Variants in ZNF407 observed in about 807,000 individuals in gnomAD.
ZNF407 encodes the protein zinc finger protein 407.
In ZNF407, 17 loss-of-function variants were observed where a neutral mutation model predicts 131.2. The ratio of observed to expected loss-of-function variants is 0.13; its 90% CI spans 0.09 to 0.19. The LOEUF is 0.19. Ranked by LOEUF, ZNF407 falls within the 10% of genes least tolerant of loss-of-function variation. The pLI is 1.00. For synonymous variants in ZNF407, 1,156 were observed against 1,062.0 expected (o/e 1.09, Z -1.72); for missense variants, 2,681 against 2,830.6 (o/e 0.95, Z 1.20).
intron 6 of ZNF407, among the ~76,000 whole-genome samples, chr18:74,881,915 C>T (rs1210019139): frequency 1.3e-5 from 2 of 152,230 alleles, no homozygotes; most frequent in East Asian, 3.9e-4. Flanking sequence ...ACAATCATGG[C>T]GGAAGGTGAA....
At chr18:74,623,114 G>A (rs181176460) in intron 1 of ZNF407, among the ~76,000 whole-genome samples, 1,803 of 145,276 alleles carry the variant, frequency 0.012, 29 homozygotes, top group African/African-American at 0.044. Flanking sequence ...ATCTGAGTGC[G>A]TGTCAGTGTG....
intron 1 of ZNF407, among the ~76,000 whole-genome samples, chr18:74,628,052 G>A (rs1014266739): frequency 6.6e-6 from 1 of 151,904 alleles, no homozygotes; most frequent in Admixed American, 6.6e-5. Flanking sequence ...CAAACTAGAG[G>A]TTTCTAAACT....
At chr18:74,866,908 C>A (rs966080052) in intron 4 of ZNF407, among the ~76,000 whole-genome samples, 2 of 146,572 alleles carry the variant, frequency 1.4e-5, no homozygotes, top group African/African-American at 5.0e-5. Context: ...CCCAGCTACT[C>A]CGGCTGAGGC....
At chr18:74,897,593 G>A (rs1400046980) in intron 7 of ZNF407, among the ~76,000 whole-genome samples, 1 of 152,120 alleles carries the variant, frequency 6.6e-6, no homozygotes, top group Non-Finnish European at 1.5e-5. Flanking sequence ...TGTATATATT[G>A]TGGAAGAAAG....
At chr18:74,691,866 G>C (rs2144800536) in intron 3 of ZNF407, among the ~76,000 whole-genome samples, 1 of 152,284 alleles carries the variant, frequency 6.6e-6, no homozygotes, top group East Asian at 1.9e-4. Context: ...GGCCGAGGCA[G>C]ATGAATCCCT....
At chr18:74,604,124 T>G (rs1756806786) in intron 1 of ZNF407, among the ~76,000 whole-genome samples, 1 of 152,158 alleles carries the variant, frequency 6.6e-6, no homozygotes, top group Admixed American at 6.5e-5. Flanking sequence ...GTTCACTTGG[T>G]CACTAAGGAA....
chr18:74,618,280 C>T (rs1983396330), intron 1 of ZNF407, among the ~76,000 whole-genome samples: 1 of 152,196 alleles, frequency 6.6e-6, no homozygotes, highest in South Asian at 2.1e-4. Context: ...TTTCTTGAGA[C>T]TCCCAGTGGG....
intron 4 of ZNF407, among the ~76,000 whole-genome samples, chr18:74,792,485 G>T (rs890607052): frequency 6.7e-6 from 1 of 149,398 alleles, no homozygotes; most frequent in African/African-American, 2.5e-5. Context: ...GATAGTGGCA[G>T]ACTTATTTCT....
At chr18:74,866,915 AGGCTGGAGGATCCCTAG>A (rs1971019417) in intron 4 of ZNF407, among the ~76,000 whole-genome samples, 3 of 139,714 alleles carry the variant, frequency 2.1e-5, no homozygotes, top group African/African-American at 8.0e-5. Flanking sequence ...ACTCCGGCTG[AGGCTGGAGGATCCCTAG>A]AGCCCCTGTG....
At chr18:74,908,070 A>G (rs1971620361) in intron 7 of ZNF407, among the ~76,000 whole-genome samples, 1 of 152,200 alleles carries the variant, frequency 6.6e-6, no homozygotes, top group Non-Finnish European at 1.5e-5. Flanking sequence ...ATCTTTTAAA[A>G]AAATTAATCA....
At chr18:74,912,949 A>G (rs1239330482) in intron 7 of ZNF407, among the ~76,000 whole-genome samples, 1 of 152,216 alleles carries the variant, frequency 6.6e-6, no homozygotes, top group Admixed American at 6.5e-5. Context: ...TTGGAAAGAT[A>G]ACCTCTTTGA....
rs570582671 is a variant in ZNF407, at chr18:74,652,067, G to T, written c.4802+10945G>T. 2.6e-5 allele frequency among the ~76,000 whole-genome samples: 4 copies of T among 152,214 alleles called. No homozygotes were observed. In the South Asian group the frequency reaches 6.2e-4, roughly 24 times the overall value. ...TCATGGAAAGTTTGCTCAAGAATTT[G>T]ATATCATCAAGTAGAGCAGCTTTTC... On this transcript the variant is annotated intron_variant, in intron 3 of 8. Transcript: ENST00000299687.
chr18:74,762,534 A>AT (rs1475808502), intron 3 of ZNF407, among the ~76,000 whole-genome samples: 3 of 152,078 alleles, frequency 2.0e-5, no homozygotes, highest in African/African-American at 7.2e-5. Context: ...GATTATGATT[A>AT]TACCCATTAC....
chr18:74,676,687 G>C (rs551511325), intron 3 of ZNF407, among the ~76,000 whole-genome samples: 53 of 151,812 alleles, frequency 3.5e-4, no homozygotes, highest in South Asian at 4.2e-4. Flanking sequence ...GCCCGCCTTG[G>C]CCTCCCAGAA....
intron 4 of ZNF407, among the ~76,000 whole-genome samples, chr18:74,785,828 GTCAC>G (rs1969695539): frequency 1.3e-5 from 2 of 151,674 alleles, no homozygotes; most frequent in Non-Finnish European, 1.5e-5. Flanking sequence ...GCATGCACAT[GTCAC>G]TCACATGGCA....
chr18:74,605,840 A>G (rs567908935), intron 1 of ZNF407, among the ~76,000 whole-genome samples: 58 of 152,228 alleles, frequency 3.8e-4, no homozygotes, highest in Admixed American at 3.8e-3. Flanking sequence ...ACCAGCAAAA[A>G]CCCAGCCCAC....
At chr18:74,841,524 G>A (rs912417773) in intron 4 of ZNF407, among the ~76,000 whole-genome samples, 1 of 152,200 alleles carries the variant, frequency 6.6e-6, no homozygotes, top group African/African-American at 2.4e-5. Flanking sequence ...CTATGTGAGT[G>A]TGTGATTTAT....
intron 8 of ZNF407, among the ~76,000 whole-genome samples, chr18:74,962,044 A>G (rs1253580787): frequency 6.6e-6 from 1 of 152,024 alleles, no homozygotes. Flanking sequence ...TCCTTTAGCC[A>G]TTTCCTTTGT....
At chr18:74,711,737 GTCTC>G (rs1253461219) in intron 3 of ZNF407, among the ~76,000 whole-genome samples, 1 of 152,148 alleles carries the variant, frequency 6.6e-6, no homozygotes, top group Non-Finnish European at 1.5e-5. Flanking sequence ...TTGAGATGGA[GTCTC>G]TCTCTGTCAC....
Sources: gnomAD v4.1 joint callset for allele counts (sites outside exome capture counted in the v4.1 genomes callset) on GRCh38, gnomAD v4.1.1 for gene constraint, MANE v1.5 for transcripts, NCBI Gene and HGNC (gene_info 2026-07-23, HGNC 2026-07-21) for gene names.